GALNT17: variants seen among roughly 807,000 people sequenced by gnomAD.
The protein encoded by GALNT17 is polypeptide N-acetylgalactosaminyltransferase 17.
In GALNT17, 29 loss-of-function variants were observed where a neutral mutation model predicts 63.7. That is an observed-to-expected ratio of 0.46 (90% CI 0.34 to 0.62). The LOEUF (loss-of-function observed/expected upper bound fraction) is 0.62. GALNT17 is among the 20% of genes least tolerant of loss of function. The pLI, the probability that GALNT17 is intolerant of heterozygous loss-of-function variation, is 0.01. For missense variants in GALNT17, 603 were observed against 799.6 expected (o/e 0.75, Z 2.97); for synonymous variants, 305 against 318.3 (o/e 0.96, Z 0.45).
chr7:71,443,039 A>G (rs1787097136), intron 5 of GALNT17, among the ~76,000 whole-genome samples: 1 of 152,172 alleles, frequency 6.6e-6, no homozygotes, highest in Non-Finnish European at 1.5e-5. Context: ...TGGCGGCTGC[A>G]GGAGGTTTCA....
At chr7:71,316,127 T>C (rs905114963) in intron 1 of GALNT17, among the ~76,000 whole-genome samples, 10 of 147,828 alleles carry the variant, frequency 6.8e-5, no homozygotes, top group Admixed American at 4.1e-4. Context: ...CCTCTGTGCT[T>C]GCAACTGGAA....
chr7:71,466,698 A>G (rs1787541842), intron 5 of GALNT17, among the ~76,000 whole-genome samples: 1 of 152,264 alleles, frequency 6.6e-6, no homozygotes, highest in South Asian at 2.1e-4. Context: ...CACAGTCCTC[A>G]TCTTGACTCA....
intron 6 of GALNT17, among the ~76,000 whole-genome samples, chr7:71,574,230 C>T (rs561343121): frequency 2.6e-5 from 4 of 152,096 alleles, no homozygotes; most frequent in South Asian, 4.2e-4. Context: ...TTCTTTCAGC[C>T]GTTGTGGAAG....
chr7:71,525,453 T>A (rs1268709607), intron 5 of GALNT17, among the ~76,000 whole-genome samples: 3 of 152,028 alleles, frequency 2.0e-5, no homozygotes, highest in African/African-American at 7.2e-5. Flanking sequence ...TGATCTGCCC[T>A]CCTCGGCCTC....
chr7:71,139,622 C>T (rs986800065), intron 1 of GALNT17, among the ~76,000 whole-genome samples: 1 of 152,084 alleles, frequency 6.6e-6, no homozygotes, highest in Non-Finnish European at 1.5e-5. Flanking sequence ...CAACAGAACT[C>T]CCTAGGCAAG....
intron 2 of GALNT17, among the ~76,000 whole-genome samples, chr7:71,353,087 G>A: frequency 6.6e-6 from 1 of 152,020 alleles, no homozygotes; most frequent in African/African-American, 2.4e-5. Context: ...GAGGGCTTTG[G>A]GGGGTGGGGG....
intron 6 of GALNT17, among the ~76,000 whole-genome samples, chr7:71,601,049 A>G (rs1198800649): frequency 6.6e-6 from 1 of 151,958 alleles, no homozygotes; most frequent in Non-Finnish European, 1.5e-5. Context: ...AGTTAGAATA[A>G]TTGTCTCCAA....
chr7:71,649,380 A>T (rs1329616628), intron 6 of GALNT17, among the ~76,000 whole-genome samples: 3 of 152,188 alleles, frequency 2.0e-5, no homozygotes, highest in African/African-American at 7.2e-5. Flanking sequence ...CAGCCAAATG[A>T]GGAGATGGGA....
chr7:71,206,700 C>T (rs1362309715), intron 1 of GALNT17, among the ~76,000 whole-genome samples: 1 of 152,100 alleles, frequency 6.6e-6, no homozygotes, highest in Non-Finnish European at 1.5e-5. Context: ...ATGAAGACCT[C>T]TACTTGATCA....
intron 2 of GALNT17, among the ~76,000 whole-genome samples, chr7:71,352,853 A>G (rs1792213891): frequency 6.6e-6 from 1 of 152,172 alleles, no homozygotes; most frequent in African/African-American, 2.4e-5. Context: ...GGAAGCCAGA[A>G]AAGGAGTGTT....
chr7:71,557,569 G>T (rs975161103), intron 5 of GALNT17, among the ~76,000 whole-genome samples: 1 of 152,128 alleles, frequency 6.6e-6, no homozygotes, highest in African/African-American at 2.4e-5. Context: ...GAGGTAGGTG[G>T]ATCACCTGAG....
At chr7:71,261,453 C>A (rs183470173) in intron 1 of GALNT17, among the ~76,000 whole-genome samples, 1 of 152,312 alleles carries the variant, frequency 6.6e-6, no homozygotes, top group African/African-American at 2.4e-5. Context: ...TAGCACTCAG[C>A]TTCTGAGGTC....
intron 1 of GALNT17, among the ~76,000 whole-genome samples, chr7:71,270,777 C>T (rs2115694046): frequency 6.6e-6 from 1 of 151,792 alleles, no homozygotes; most frequent in African/African-American, 2.4e-5. Context: ...TGATACAGAA[C>T]AGAAGAGCTT....
At chr7:71,420,206 T>C (rs1387951078) in intron 4 of GALNT17, among the ~76,000 whole-genome samples, 1 of 152,174 alleles carries the variant, frequency 6.6e-6, no homozygotes, top group Non-Finnish European at 1.5e-5. Flanking sequence ...GGCTACACCT[T>C]GAACCTGGAG....
At chr7:71,158,239 T>G (rs1447427784) in intron 1 of GALNT17, among the ~76,000 whole-genome samples, 1 of 151,602 alleles carries the variant, frequency 6.6e-6, no homozygotes, top group Non-Finnish European at 1.5e-5. Flanking sequence ...GGCTCATTTC[T>G]CAATCAATGG....
intron 1 of GALNT17, among the ~76,000 whole-genome samples, chr7:71,309,160 A>T (rs1470133646): frequency 1.3e-5 from 2 of 150,864 alleles, no homozygotes; most frequent in Non-Finnish European, 3.0e-5. Flanking sequence ...CATTTTTCCA[A>T]CTCTTGTCAG....
intron 3 of GALNT17, among the ~76,000 whole-genome samples, chr7:71,395,799 A>G (rs1793127764): frequency 6.6e-6 from 1 of 152,182 alleles, no homozygotes; most frequent in African/African-American, 2.4e-5. Flanking sequence ...TCTAGTGGAT[A>G]TAAGGTGGTA....
At chr7:71,222,336 A>C (rs963979990) in intron 1 of GALNT17, among the ~76,000 whole-genome samples, 1 of 152,140 alleles carries the variant, frequency 6.6e-6, no homozygotes, top group African/African-American at 2.4e-5. Flanking sequence ...TCACACACCC[A>C]GGCTGGAGTA....
chr7:71,563,031 G>A (rs937374125), intron 5 of GALNT17, among the ~76,000 whole-genome samples: 2 of 152,310 alleles, frequency 1.3e-5, no homozygotes, highest in East Asian at 3.9e-4. Context: ...TCTTCTCACT[G>A]TCTATTCCTT....
Sources: allele counts gnomAD v4.1 joint callset (sites outside exome capture counted in the v4.1 genomes callset), GRCh38; gene constraint gnomAD v4.1.1; transcripts MANE v1.5; gene names NCBI Gene and HGNC (gene_info 2026-07-23, HGNC 2026-07-21).